Variants in IGSF10 observed in about 807,000 individuals in gnomAD.
The protein encoded by IGSF10 is calvaria mechanical force protein 608.
Under a neutral mutation model 128.2 loss-of-function variants are expected in IGSF10, and 126 were observed. That is an observed-to-expected ratio of 0.98 (90% CI 0.85 to 1.14). The LOEUF is 1.14. Among genes scored for constraint, IGSF10 ranks in the 50% most tolerant of loss-of-function variants. The probability of loss-of-function intolerance (pLI) is 0.00; values close to 1 mark genes in which losing one functional copy is unlikely to be tolerated. For synonymous variants in IGSF10, 1,185 were observed against 1,146.2 expected (o/e 1.03, Z -0.68); for missense variants, 3,295 against 3,149.8 (o/e 1.05, Z -1.10).
chr3:151,601,090 C>T, the IGSF10 span, among the ~76,000 whole-genome samples: 1 of 149,870 alleles, frequency 6.7e-6, no homozygotes, highest in East Asian at 1.9e-4. Context: ...TTACCAGAAA[C>T]AAGAATTTTC....
upstream of IGSF10, among the ~76,000 whole-genome samples, chr3:151,463,701 C>G (rs1283603064): frequency 6.6e-6 from 1 of 151,772 alleles, no homozygotes; most frequent in Non-Finnish European, 1.5e-5. Context: ...CACATGCCAC[C>G]ATGGCTGGGC....
At position 151,437,132 on chromosome 3, in the gene IGSF10, G is replaced by A. The variant is rs779590407; in HGVS notation, c.7429C>T (p.Pro2477Ser). The A allele has an allele frequency of 6.2e-7, 1 of 1,614,024 alleles. No individual in the cohort carries two copies. Among genetic ancestry groups the A allele is most frequent in the Non-Finnish European group, 8.5e-7 (1 of 1,179,974 alleles). Residue 2477 changes from proline (P) to serine (S), a missense_variant, in exon 8 of 8, where the codon CCT becomes TCT. Coordinates refer to ENST00000282466, the MANE Select transcript of IGSF10 (RefSeq NM_178822.5). ...AATATGTATTTCCCATTAATTTGAG[G>A]CCTGTCTACTACATAACCACTTGGC... ...TMPSGYVVDRPQINGKYILHD... is the reference protein window; with the variant it reads ...TMPSGYVVDRSQINGKYILHD...
At chr3:151,440,672 G>T (rs1720799446) in intron 7 of IGSF10, 1 of 455,624 alleles carries the variant, frequency 2.2e-6, no homozygotes, top group Non-Finnish European at 4.4e-6. Flanking sequence ...TCTTAAACTT[G>T]GCTAAACATT....
At chr3:151,559,665 T>C in the IGSF10 span, among the ~76,000 whole-genome samples, 4 of 152,060 alleles carry the variant, frequency 2.6e-5, no homozygotes, top group East Asian at 7.7e-4. Flanking sequence ...AATGTGGTTG[T>C]TGAAAAGGTA....
At chr3:151,576,945 CT>C in the IGSF10 span, among the ~76,000 whole-genome samples, 1,947 of 152,180 alleles carry the variant, frequency 0.013, 47 homozygotes, top group African/African-American at 0.045. Context: ...GGAGAAGCCC[CT>C]TTTTTCCTTT....
At chr3:151,572,203 A>G in the IGSF10 span, among the ~76,000 whole-genome samples, 4 of 152,166 alleles carry the variant, frequency 2.6e-5, no homozygotes, top group East Asian at 7.7e-4. Context: ...TGCCTCTGCC[A>G]GGTTTTGGTA....
At chr3:151,558,528 T>A in the IGSF10 span, among the ~76,000 whole-genome samples, 1 of 152,186 alleles carries the variant, frequency 6.6e-6, no homozygotes, top group African/African-American at 2.4e-5. Flanking sequence ...CATTTTTTTT[T>A]TTTTGAGACC....
chr3:151,454,586 G>T lies in IGSF10; in HGVS notation c.325-812C>A, dbSNP rs201727375. ...GTCCATGGTTGAAAATTTTTATAAG[G>T]TTTTTTTTTTAAGTCTTAGTATTTC... is the stretch of plus-strand genomic sequence containing the variant. On this transcript the variant is annotated intron_variant, in intron 4 of 7. Coordinates refer to ENST00000282466, the MANE Select transcript of IGSF10 (RefSeq NM_178822.5). Among the ~76,000 whole-genome samples the T allele has an allele frequency of 1.2e-3, 184 of 149,988 alleles. No individual in the cohort carries two copies. The East Asian group carries it at 0.023, about 19-fold the overall frequency.
the IGSF10 span, among the ~76,000 whole-genome samples, chr3:151,615,145 G>A: frequency 2.0e-5 from 3 of 150,426 alleles, no homozygotes; most frequent in African/African-American, 4.8e-5. Flanking sequence ...GTCAGACAAT[G>A]TTCTACCCTC....
the IGSF10 span, among the ~76,000 whole-genome samples, chr3:151,525,044 T>A: frequency 0.28 from 25,390 of 89,582 alleles, 4,824 homozygotes; most frequent in Non-Finnish European, 0.35. Flanking sequence ...TTTTTTTTTT[T>A]AAAGAGAGCC....
the IGSF10 span, among the ~76,000 whole-genome samples, chr3:151,573,052 T>C: frequency 6.6e-6 from 1 of 152,238 alleles, no homozygotes; most frequent in East Asian, 1.9e-4. Flanking sequence ...AGTGAGTTTC[T>C]TAATCCTGAG....
At chr3:151,456,048 C>G (rs2108573158) in intron 4 of IGSF10, among the ~76,000 whole-genome samples, 1 of 152,262 alleles carries the variant, frequency 6.6e-6, no homozygotes, top group Non-Finnish European at 1.5e-5. Context: ...ATCTCCAACT[C>G]AATGTTCCTC....
chr3:151,561,527 T>C, the IGSF10 span, among the ~76,000 whole-genome samples: 1 of 152,160 alleles, frequency 6.6e-6, no homozygotes, highest in Non-Finnish European at 1.5e-5. Flanking sequence ...TTTGTAAATA[T>C]AAATATTATT....
chr3:151,615,928 T>C, the IGSF10 span, among the ~76,000 whole-genome samples: 1 of 151,924 alleles, frequency 6.6e-6, no homozygotes, highest in African/African-American at 2.4e-5. Flanking sequence ...AATATTTATT[T>C]TGTTTTTGTT....
intron 7 of IGSF10, among the ~76,000 whole-genome samples, chr3:151,441,065 T>G (rs773631225): frequency 6.6e-6 from 1 of 152,202 alleles, no homozygotes; most frequent in Non-Finnish European, 1.5e-5. Context: ...ACAGATTGCT[T>G]ATTAAAACAA....
At chr3:151,594,198 G>A in the IGSF10 span, among the ~76,000 whole-genome samples, 3 of 152,028 alleles carry the variant, frequency 2.0e-5, no homozygotes, top group Non-Finnish European at 4.4e-5. Flanking sequence ...TCCAAGAAAT[G>A]TGCCCAGATT....
chr3:151,442,840 T>A, intron 7 of IGSF10, 144 bp downstream of exon 7: 1 of 585,756 alleles, frequency 1.7e-6, no homozygotes, highest in Non-Finnish European at 2.7e-6. Context: ...AAGATTAGTT[T>A]TTTTTGAGAG....
chr3:151,519,289 T>C, the IGSF10 span, among the ~76,000 whole-genome samples: 1 of 151,794 alleles, frequency 6.6e-6, no homozygotes, highest in South Asian at 2.1e-4. Context: ...GTGAAGCTAA[T>C]GAAGCTTAAG....
the IGSF10 span, among the ~76,000 whole-genome samples, chr3:151,599,279 G>C: frequency 6.6e-6 from 1 of 152,188 alleles, no homozygotes; most frequent in African/African-American, 2.4e-5. Flanking sequence ...CTGAGGGTTG[G>C]AGAGGAGGGA....
Sources: allele counts gnomAD v4.1 joint callset (sites outside exome capture counted in the v4.1 genomes callset), GRCh38; gene constraint gnomAD v4.1.1; transcripts MANE v1.5; gene names NCBI Gene and HGNC (gene_info 2026-07-23, HGNC 2026-07-21).